Variants in OSBPL10 observed in about 807,000 individuals in gnomAD.
OSBPL10 encodes the protein oxysterol binding protein like 10.
OSBPL10 carries 49 observed loss-of-function variants against 81.7 expected under a neutral mutation model. The ratio of observed to expected loss-of-function variants is 0.60; its 90% CI spans 0.48 to 0.76. The LOEUF is 0.76. Among genes scored for constraint, OSBPL10 ranks in the 30% least tolerant of loss-of-function variants. The pLI is 0.00. For synonymous variants in OSBPL10, 419 were observed against 383.6 expected (o/e 1.09, Z -1.08); for missense variants, 923 against 987.8 (o/e 0.93, Z 0.88).
At chr3:31,702,231 T>C (rs976403375) in intron 7 of OSBPL10, 128 bp downstream of exon 7, 25 of 1,122,738 alleles carry the variant, frequency 2.2e-5, no homozygotes, top group Middle Eastern at 2.0e-4. Flanking sequence ...TTGAAAGCAA[T>C]GCTGGCCTTT....
intron 8 of OSBPL10, among the ~76,000 whole-genome samples, chr3:31,679,328 TTCACGCACA>T (rs1440716093): frequency 2.0e-5 from 3 of 152,208 alleles, no homozygotes; most frequent in Admixed American, 2.0e-4. Context: ...CATTGAGGAC[TTCACGCACA>T]TGTCTTGTCT....
chr3:31,851,551 T>C (rs545237528), intron 3 of OSBPL10, among the ~76,000 whole-genome samples: 1 of 152,322 alleles, frequency 6.6e-6, no homozygotes, highest in African/African-American at 2.4e-5. Context: ...GCTCTGCCAG[T>C]CCTACCCAGA....
intron 1 of OSBPL10, among the ~76,000 whole-genome samples, chr3:31,903,333 T>TG (rs1296152355): frequency 1.3e-5 from 2 of 150,170 alleles, no homozygotes; most frequent in East Asian, 1.9e-4. Context: ...TTTTTAGGTT[T>TG]TTTTTTTTTT....
chr3:31,858,622 G>C (rs756265817), intron 3 of OSBPL10, among the ~76,000 whole-genome samples: 1 of 152,146 alleles, frequency 6.6e-6, no homozygotes, highest in Non-Finnish European at 1.5e-5. Flanking sequence ...CTTGCCCCAG[G>C]TGGCACTATA....
chr3:31,688,283 T>TCACACACACACACA (rs55643097), intron 7 of OSBPL10, among the ~76,000 whole-genome samples: 2 of 115,408 alleles, frequency 1.7e-5, no homozygotes, highest in African/African-American at 3.3e-5. Context: ...TCTCTCTCTC[T>TCACACACACACACA]CACACACACA....
chr3:31,987,611 TGG>T (rs1316598434), intron 2 of OSBPL10, among the ~76,000 whole-genome samples: 1 of 152,228 alleles, frequency 6.6e-6, no homozygotes, highest in Non-Finnish European at 1.5e-5. Context: ...ATGTTTGAGC[TGG>T]GCTCTCTAAT....
intron 1 of OSBPL10, among the ~76,000 whole-genome samples, chr3:31,934,782 A>G (rs9812642): frequency 0.28 from 41,981 of 152,080 alleles, 7,004 homozygotes; most frequent in East Asian, 0.55. Flanking sequence ...AAAAAATTGG[A>G]TATCCACGGT....
At chr3:31,870,138 A>C (rs1701281947) in intron 3 of OSBPL10, among the ~76,000 whole-genome samples, 1 of 152,206 alleles carries the variant, frequency 6.6e-6, no homozygotes, top group African/African-American at 2.4e-5. Flanking sequence ...CGCAAGGGGG[A>C]ACCGGGGCTG....
intron 1 of OSBPL10, among the ~76,000 whole-genome samples, chr3:32,072,952 C>T (rs1699842541): frequency 6.6e-6 from 1 of 152,118 alleles, no homozygotes; most frequent in South Asian, 2.1e-4. Context: ...CAAGCAGTTT[C>T]TCAGGCTCTT....
At chr3:31,802,549 CAAAAA>C (rs746823677) in intron 4 of OSBPL10, among the ~76,000 whole-genome samples, 1,075 of 94,972 alleles carry the variant, frequency 0.011, 5 homozygotes, top group Non-Finnish European at 0.015. Flanking sequence ...GCCTGGGTAT[CAAAAA>C]AAAAAAAAAA....
intron 1 of OSBPL10, among the ~76,000 whole-genome samples, chr3:31,893,032 CG>C (rs777762321): frequency 3.3e-5 from 5 of 152,088 alleles, no homozygotes; most frequent in East Asian, 1.9e-4. Flanking sequence ...CAGGGAAGAG[CG>C]ATAAAAAGTA....
chr3:31,893,823 G>A (rs181474159), intron 1 of OSBPL10, among the ~76,000 whole-genome samples: 2 of 152,330 alleles, frequency 1.3e-5, no homozygotes, highest in Non-Finnish European at 2.9e-5. Flanking sequence ...AAAAAGATAA[G>A]TGGTTGTCTG....
At chr3:31,736,199 T>C (rs2125673119) in intron 5 of OSBPL10, among the ~76,000 whole-genome samples, 1 of 152,292 alleles carries the variant, frequency 6.6e-6, no homozygotes, top group Non-Finnish European at 1.5e-5. Context: ...AGATTGGTTA[T>C]ACAACAATGT....
At chr3:31,856,148 A>G (rs1184743927) in intron 3 of OSBPL10, among the ~76,000 whole-genome samples, 1 of 150,886 alleles carries the variant, frequency 6.6e-6, no homozygotes, top group Non-Finnish European at 1.5e-5. Context: ...TTGACCTAAA[A>G]TGATCTTCCT....
At chr3:31,953,612 C>A (rs144649255) in intron 1 of OSBPL10, among the ~76,000 whole-genome samples, 70 of 152,150 alleles carry the variant, frequency 4.6e-4, no homozygotes, top group African/African-American at 1.6e-3. Flanking sequence ...TACCATGTTT[C>A]CCAGGCTGAT....
intron 2 of OSBPL10, among the ~76,000 whole-genome samples, chr3:31,986,816 G>A (rs2125516268): frequency 6.6e-6 from 1 of 152,054 alleles, no homozygotes; most frequent in South Asian, 2.1e-4. Context: ...ACCAGCCTGG[G>A]CAACCTGGAG....
chr3:31,752,168 A>G (rs900499796), intron 4 of OSBPL10, among the ~76,000 whole-genome samples: 2 of 151,952 alleles, frequency 1.3e-5, no homozygotes, highest in African/African-American at 4.9e-5. Context: ...AACCATCAAC[A>G]AACAGACTCA....
intron 1 of OSBPL10, among the ~76,000 whole-genome samples, chr3:31,934,206 C>T (rs1559523704): frequency 1.3e-5 from 2 of 151,622 alleles, no homozygotes; most frequent in African/African-American, 4.9e-5. Flanking sequence ...ATGGTGATGC[C>T]TGTCTGTGGT....
At chr3:31,876,599 G>C in intron 2 of OSBPL10, 87 bp from the exon 3 acceptor site, 2 of 1,046,856 alleles carry the variant, frequency 1.9e-6, no homozygotes, top group Non-Finnish European at 2.9e-6. Flanking sequence ...CTAAGGGGGT[G>C]GGGAGCCTGG....
Sources: gnomAD v4.1 joint callset for allele counts (sites outside exome capture counted in the v4.1 genomes callset) on GRCh38, gnomAD v4.1.1 for gene constraint, MANE v1.5 for transcripts, NCBI Gene and HGNC (gene_info 2026-07-23, HGNC 2026-07-21) for gene names.